CCDC192: variants seen among roughly 807,000 people sequenced by gnomAD.
The protein encoded by CCDC192 is coiled-coil domain containing 192.
intron 6 of CCDC192, among the ~76,000 whole-genome samples, chr5:127,928,174 C>G (rs1172231791): frequency 6.6e-6 from 1 of 152,154 alleles, no homozygotes; most frequent in Non-Finnish European, 1.5e-5. Flanking sequence ...CCTGCCTCAG[C>G]CTCCCAAAGT....
intron 5 of CCDC192, among the ~76,000 whole-genome samples, chr5:127,815,645 G>A (rs1748979408): frequency 6.6e-6 from 1 of 151,962 alleles, no homozygotes; most frequent in South Asian, 2.1e-4. Context: ...GAGACGGGTG[G>A]GTCACGAGGT....
intron 5 of CCDC192, among the ~76,000 whole-genome samples, chr5:127,839,750 A>G (rs1750201505): frequency 6.6e-6 from 1 of 152,076 alleles, no homozygotes; most frequent in Non-Finnish European, 1.5e-5. Flanking sequence ...CCGATTGAAT[A>G]GGGATACTGT....
intron 6 of CCDC192, among the ~76,000 whole-genome samples, chr5:127,929,341 G>C (rs1753954910): frequency 6.6e-6 from 1 of 152,178 alleles, no homozygotes; most frequent in Non-Finnish European, 1.5e-5. Context: ...GCTAGGAAAA[G>C]AGAGACTCCT....
chr5:127,752,709 A>G (rs1754279167), intron 2 of CCDC192, among the ~76,000 whole-genome samples: 1 of 151,856 alleles, frequency 6.6e-6, no homozygotes, highest in East Asian at 1.9e-4. Flanking sequence ...CCCCTCCCCC[A>G]GCCTCGCTGC....
At chr5:127,835,040 C>A (rs1044066469) in intron 5 of CCDC192, among the ~76,000 whole-genome samples, 27 of 152,102 alleles carry the variant, frequency 1.8e-4, no homozygotes, top group African/African-American at 6.5e-4. Flanking sequence ...AAAGCATATG[C>A]AACTTGAGAA....
chr5:127,920,407 C>CTTTTTT (rs11388727), intron 6 of CCDC192, among the ~76,000 whole-genome samples: 3 of 115,800 alleles, frequency 2.6e-5, no homozygotes, highest in Admixed American at 8.9e-5. Flanking sequence ...ACTGAAGAGG[C>CTTTTTT]TTTTTTTTTT....
intron 5 of CCDC192, among the ~76,000 whole-genome samples, chr5:127,834,248 C>T (rs191822289): frequency 6.6e-6 from 1 of 152,308 alleles, no homozygotes; most frequent in Admixed American, 6.5e-5. Context: ...AACCTTCCCA[C>T]AATTTGTTGC....
At chr5:127,899,320 G>A (rs553675757) in intron 6 of CCDC192, among the ~76,000 whole-genome samples, 1 of 152,232 alleles carries the variant, frequency 6.6e-6, no homozygotes, top group Non-Finnish European at 1.5e-5. Context: ...AAGGTTAAGG[G>A]ACCATCCAAA....
chr5:127,760,284 A>G (rs1371725189), intron 3 of CCDC192, among the ~76,000 whole-genome samples: 1 of 149,362 alleles, frequency 6.7e-6, no homozygotes, highest in African/African-American at 2.5e-5. Context: ...TTTTTACATC[A>G]TTAACTAAAG....
At chr5:127,884,342 CA>C (rs778430655) in intron 6 of CCDC192, among the ~76,000 whole-genome samples, 388 of 11,834 alleles carry the variant, frequency 0.033, no homozygotes, top group African/African-American at 0.037. Context: ...GACTCCGTCT[CA>C]AAAAAAAAAA....
Position 127,899,928 on chromosome 5 carries a change from G to A in CCDC192, c.535+24267G>A, listed in dbSNP as rs1027693560. On this transcript the variant is annotated intron_variant, in intron 6 of 6. Coordinates refer to ENST00000514853, the MANE Select transcript of CCDC192 (RefSeq NM_001317938.2). ...TTGCCTCAAGTTTGTTTCCCCTGAC[G>A]CTTAACTAATACCTTCAGATTCCCA... Among the ~76,000 whole-genome samples the A allele has an allele frequency of 3.9e-5, 6 of 152,254 alleles. No individual in the cohort carries two copies. In the East Asian group the frequency reaches 7.7e-4, roughly 20 times the overall value.
intron 6 of CCDC192, among the ~76,000 whole-genome samples, chr5:127,922,516 A>T (rs1469828033): frequency 1.3e-5 from 2 of 152,262 alleles, no homozygotes; most frequent in African/African-American, 4.8e-5. Flanking sequence ...AGGCAGGCAG[A>T]TCGCTTGAGC....
At chr5:127,738,810 G>A (rs147308569) in intron 2 of CCDC192, among the ~76,000 whole-genome samples, 5,026 of 152,174 alleles carry the variant, frequency 0.033, 276 homozygotes, top group African/African-American at 0.11. Context: ...CTCTGTATTG[G>A]TTATTCTAGT....
chr5:127,851,892 G>A (rs1750813422), intron 5 of CCDC192, among the ~76,000 whole-genome samples: 1 of 152,218 alleles, frequency 6.6e-6, no homozygotes, highest in Admixed American at 6.5e-5. Flanking sequence ...CTGTCTCAGA[G>A]TTTACCAACT....
intron 2 of CCDC192, among the ~76,000 whole-genome samples, chr5:127,719,769 T>A (rs1751899590): frequency 6.8e-6 from 1 of 147,830 alleles, no homozygotes; most frequent in Non-Finnish European, 1.5e-5. Flanking sequence ...TCAGAAAACT[T>A]ATAATCATGG....
intron 6 of CCDC192, among the ~76,000 whole-genome samples, chr5:127,931,971 G>A (rs781079952): frequency 5.3e-5 from 8 of 151,664 alleles, no homozygotes; most frequent in South Asian, 4.2e-4. Context: ...CCAACATGGC[G>A]AAACCCTGTT....
chr5:127,815,599 C>T (rs192701596), intron 5 of CCDC192, among the ~76,000 whole-genome samples: 269 of 152,056 alleles, frequency 1.8e-3, no homozygotes, highest in African/African-American at 5.6e-3. Context: ...CTGGCTATGG[C>T]GGCTCACACC....
At chr5:127,903,660 T>C (rs1753115997) in intron 6 of CCDC192, among the ~76,000 whole-genome samples, 1 of 152,130 alleles carries the variant, frequency 6.6e-6, no homozygotes, top group African/African-American at 2.4e-5. Context: ...TCCCAAATCA[T>C]ATAGCCTGAG....
At chr5:127,763,069 C>T (rs1016677170) in intron 3 of CCDC192, among the ~76,000 whole-genome samples, 10 of 152,092 alleles carry the variant, frequency 6.6e-5, no homozygotes, top group African/African-American at 2.4e-4. Context: ...TCTATAGACT[C>T]TCCTTGGTGA....
Sources: gnomAD v4.1 joint callset for allele counts (sites outside exome capture counted in the v4.1 genomes callset) on GRCh38, gnomAD v4.1.1 for gene constraint, MANE v1.5 for transcripts, NCBI Gene and HGNC (gene_info 2026-07-23, HGNC 2026-07-21) for gene names.